The following UTP20 variants were observed in gnomAD, a reference collection of about 807,000 sequenced individuals.
The protein encoded by UTP20 is UTP20 small subunit processome component.
Under a neutral mutation model 329.5 loss-of-function variants are expected in UTP20, and 164 were observed. The ratio of observed to expected loss-of-function variants is 0.50; its 90% CI spans 0.44 to 0.57. The LOEUF is 0.57. UTP20 is among the 20% of genes least tolerant of loss of function. UTP20 has a pLI of 0.00. For synonymous variants in UTP20, 1,151 were observed against 1,159.3 expected (o/e 0.99, Z 0.14); for missense variants, 3,055 against 3,284.2 (o/e 0.93, Z 1.71).
At position 101,352,195 on chromosome 12, in the gene UTP20, G is replaced by C. The variant is rs1869550580; in HGVS notation, c.5024+1G>C. 6.2e-7 allele frequency: 1 copy of C among 1,604,366 alleles called. No homozygotes were observed. Among genetic ancestry groups the C allele is most frequent in the Non-Finnish European group, 8.5e-7 (1 of 1,177,928 alleles). On this transcript the variant is annotated splice_donor_variant, in intron 39 of 61. Transcript: ENST00000261637. LOFTEE classifies it high-confidence loss of function. ...AGATCAATCAAAAACTGGGTGTCAG[G>C]TGTGGTCAAACTTCTTATTTTTGTT... is the stretch of plus-strand genomic sequence containing the variant.
intron 2 of UTP20, 62 bp downstream of exon 2, chr12:101,281,258 G>A (rs1871788916): frequency 9.9e-6 from 14 of 1,418,174 alleles, no homozygotes; most frequent in Non-Finnish European, 1.4e-5. Context: ...TCTTCTGTTA[G>A]TAGAAGTGAA....
intron 58 of UTP20, among the ~76,000 whole-genome samples, chr12:101,382,726 G>C: frequency 6.6e-6 from 1 of 151,838 alleles, no homozygotes; most frequent in East Asian, 2.0e-4. Context: ...GGTGGTGCAC[G>C]CCTGTAATCC....
At chr12:101,285,491 T>A in intron 2 of UTP20, 79 bp from the exon 3 acceptor site, 1 of 1,434,712 alleles carries the variant, frequency 7.0e-7, no homozygotes, top group South Asian at 1.2e-5. Flanking sequence ...CTTAAGATAT[T>A]AATATATCAT....
chr12:101,380,812 C>T (rs1411734129), intron 57 of UTP20, among the ~76,000 whole-genome samples: 2 of 148,146 alleles, frequency 1.4e-5, no homozygotes, highest in East Asian at 2.0e-4. Flanking sequence ...TGCAGTGAGC[C>T]GAGATCACTC....
intron 12 of UTP20, among the ~76,000 whole-genome samples, chr12:101,297,756 G>A (rs570599190): frequency 1.3e-5 from 2 of 152,320 alleles, no homozygotes; most frequent in African/African-American, 4.8e-5. Context: ...TGCAGGGAGA[G>A]TGAAGCTGCT....
At chr12:101,345,823 G>A (rs1179178824) in intron 37 of UTP20, 129 bp downstream of exon 37, 2 of 813,144 alleles carry the variant, frequency 2.5e-6, no homozygotes, top group Admixed American at 3.1e-5. Flanking sequence ...TGGTCTTTAT[G>A]ATCATCATTG....
chr12:101,370,377 C>T, intron 49 of UTP20, 55 bp from the exon 50 acceptor site: 1 of 1,568,676 alleles, frequency 6.4e-7, no homozygotes. Context: ...TGTCATTTCA[C>T]TGGATCCCAA....
At chr12:101,282,620 G>A (rs1871837418) in intron 2 of UTP20, among the ~76,000 whole-genome samples, 1 of 152,202 alleles carries the variant, frequency 6.6e-6, no homozygotes, top group South Asian at 2.1e-4. Flanking sequence ...AGGACTGTAA[G>A]CAGGGGAATG....
At chr12:101,325,075 G>A (rs1288334351) in intron 25 of UTP20, among the ~76,000 whole-genome samples, 1 of 152,036 alleles carries the variant, frequency 6.6e-6, no homozygotes, top group Non-Finnish European at 1.5e-5. Context: ...AATGGTAATA[G>A]CAGTCACAGA....
chr12:101,338,997 C>T, intron 31 of UTP20, 40 bp downstream of exon 31: 1 of 1,537,272 alleles, frequency 6.5e-7, no homozygotes, highest in Non-Finnish European at 8.7e-7. Flanking sequence ...ACATTACCAT[C>T]CTTGGTTTTA....
intron 27 of UTP20, among the ~76,000 whole-genome samples, chr12:101,331,071 G>A (rs953300099): frequency 6.6e-6 from 1 of 152,056 alleles, no homozygotes; most frequent in Admixed American, 6.5e-5. Flanking sequence ...AGGTTTTTTT[G>A]TACATTTAAG....
Position 101,317,520 on chromosome 12 carries a change from G to C in UTP20, c.2595G>C (p.Gln865His), listed in dbSNP as rs775784330. Residue 865 changes from glutamine to histidine, a missense_variant, in exon 22 of 62, where the codon CAG becomes CAC. By Grantham distance (24) the Gln-to-His change is conservative (BLOSUM62 0). Coordinates refer to ENST00000261637, the MANE Select transcript of UTP20 (RefSeq NM_014503.3). ...YPADLQVAPT[Q>H]DLRRKGKGMV... ...CAGATCTGCAAGTTGCTCCAACCCA[G>C]GATCTACGGAGAAAAGGCAAAGGGA... 3 of 1,614,154 alleles carry C rather than the reference G, an allele frequency of 1.9e-6. No individual in the cohort carries two copies. In the South Asian group the frequency reaches 3.3e-5, roughly 18 times the overall value.
chr12:101,378,318 A>G (rs1168236386), intron 56 of UTP20, among the ~76,000 whole-genome samples: 1 of 152,220 alleles, frequency 6.6e-6, no homozygotes, highest in Non-Finnish European at 1.5e-5. Flanking sequence ...GGCATATAGA[A>G]AACCTTCAGT....
intron 14 of UTP20, among the ~76,000 whole-genome samples, 152 bp from the exon 15 acceptor site, chr12:101,302,291 CTGTTA>C (rs1326110470): frequency 6.6e-6 from 1 of 152,156 alleles, no homozygotes; most frequent in Non-Finnish European, 1.5e-5. Flanking sequence ...CTGTTTCTTT[CTGTTA>C]TATTTGGATG....
intron 15 of UTP20, among the ~76,000 whole-genome samples, chr12:101,303,768 C>T (rs557286058): frequency 6.4e-4 from 97 of 152,254 alleles, no homozygotes; most frequent in African/African-American, 2.1e-3. Flanking sequence ...AGAATCACTC[C>T]GGCTGCTGTG....
At chr12:101,371,030 G>A in intron 50 of UTP20, 28 bp from the exon 51 acceptor site, 1 of 1,599,166 alleles carries the variant, frequency 6.3e-7, no homozygotes, top group East Asian at 2.2e-5. Flanking sequence ...CACATGAAAT[G>A]AGTATGTCTT....
intron 35 of UTP20, among the ~76,000 whole-genome samples, 176 bp downstream of exon 35, chr12:101,343,269 A>G (rs1007904220): frequency 3.3e-5 from 5 of 152,198 alleles, no homozygotes; most frequent in South Asian, 2.1e-4. Flanking sequence ...CTCATGATTT[A>G]AAAGGCAAAT....
At position 101,381,259 on chromosome 12, in the gene UTP20, T is replaced by C. The variant is rs1239331748; in HGVS notation, c.7656+48T>C. On this transcript the variant is annotated intron_variant, in intron 58 of 61. Transcript: ENST00000261637. The stretch of plus-strand genomic sequence containing the variant: ...TTTAAAAGAAGGGGCCGGCTGGGCA[T>C]GGTGGCTCGCGCCTGTAATCCCAGC... 7 of 1,528,178 alleles carry C rather than the reference T, an allele frequency of 4.6e-6. No individual in the cohort carries two copies. In the Admixed American group the frequency reaches 5.0e-5, roughly 11 times the overall value. The allele number at this position is 1,528,178 out of a possible 1,614,324, so 94.7% of individuals were successfully genotyped here.
At chr12:101,341,171 T>C (rs1172290563) in intron 32 of UTP20, among the ~76,000 whole-genome samples, 4 of 152,030 alleles carry the variant, frequency 2.6e-5, no homozygotes, top group Non-Finnish European at 5.9e-5. Context: ...AGGGATGGGG[T>C]TTCACCGTGT....
Sources: allele counts gnomAD v4.1 joint callset (sites outside exome capture counted in the v4.1 genomes callset), GRCh38; gene constraint gnomAD v4.1.1; transcripts MANE v1.5; gene names NCBI Gene and HGNC (gene_info 2026-07-23, HGNC 2026-07-21).